Variants in COL6A5 observed in about 807,000 individuals in gnomAD.
COL6A5 encodes collagen alpha-5(VI) chain.
Under a neutral mutation model 65.6 loss-of-function variants are expected in COL6A5, and 48 were observed. The ratio of observed to expected loss-of-function variants is 0.73; its 90% CI spans 0.58 to 0.93. The LOEUF (loss-of-function observed/expected upper bound fraction) is 0.93. Among genes scored for constraint, COL6A5 ranks in the 40% least tolerant of loss-of-function variants. The pLI is 0.00. For synonymous variants in COL6A5, 291 were observed against 322.8 expected (o/e 0.90, Z 1.05); for missense variants, 914 against 928.3 (o/e 0.98, Z 0.20).
intron 7 of COL6A5, among the ~76,000 whole-genome samples, chr3:130,481,530 G>A (rs1197134471): frequency 6.6e-6 from 1 of 152,096 alleles, no homozygotes; most frequent in Admixed American, 6.6e-5. Flanking sequence ...CTTTATAGTA[G>A]AATGATTTAT....
chr3:130,450,844 A>G (rs1709414478), intron 4 of COL6A5, among the ~76,000 whole-genome samples: 1 of 152,162 alleles, frequency 6.6e-6, no homozygotes, highest in Non-Finnish European at 1.5e-5. Flanking sequence ...TGAGGGCATC[A>G]AAGTTTAATT....
chr3:130,420,896 C>A (rs993497414), intron 25 of COL6A5, among the ~76,000 whole-genome samples: 1 of 152,080 alleles, frequency 6.6e-6, no homozygotes, highest in Non-Finnish European at 1.5e-5. Context: ...CTGCCACTGA[C>A]TCCACAAGTC....
chr3:130,441,246 T>C (rs1353756689), intron 3 of COL6A5, among the ~76,000 whole-genome samples: 1 of 152,166 alleles, frequency 6.6e-6, no homozygotes. Flanking sequence ...GTCCTGGGCA[T>C]GCACATCACC....
intron 17 of COL6A5, 33 bp downstream of exon 17, chr3:130,406,354 G>T (rs1559884497): frequency 3.5e-5 from 53 of 1,505,978 alleles, no homozygotes; most frequent in Non-Finnish European, 4.8e-5. Flanking sequence ...TTCAAAGAAG[G>T]AGAATTTGGT....
intron 4 of COL6A5, among the ~76,000 whole-genome samples, chr3:130,450,987 A>G (rs1025716426): frequency 1.3e-5 from 2 of 152,132 alleles, no homozygotes; most frequent in African/African-American, 4.8e-5. Context: ...AAACGCTGAG[A>G]TGGGGTTAGA....
chr3:130,483,413 TA>T (rs1326506914), intron 7 of COL6A5, among the ~76,000 whole-genome samples: 1 of 152,106 alleles, frequency 6.6e-6, no homozygotes, highest in African/African-American at 2.4e-5. Context: ...ATGCCCCAAT[TA>T]AAAGACACAG....
Position 130,389,151 on chromosome 3 carries a change from T to C in COL6A5, c.2416+17T>C. ...CTCTCCATGGTAAGTGTCCCTGTTA[T>C]CTGTCAGGACTAAAGGATGTGAGCT... On this transcript the variant is annotated intron_variant and NMD_transcript_variant, in intron 6 of 41. Coordinates refer to the COL6A5 transcript ENST00000312481. 8.6e-6 allele frequency: 12 copies of C among 1,399,010 alleles called. No homozygotes were observed. Among genetic ancestry groups the C allele is most frequent in the South Asian group, 1.9e-5 (1 of 52,300 alleles). The allele number at this position is 1,399,010 out of a possible 1,614,324, so 86.7% of individuals were successfully genotyped here.
At chr3:130,361,017 T>G (rs545867599) in intron 1 of COL6A5, among the ~76,000 whole-genome samples, 30 of 152,032 alleles carry the variant, frequency 2.0e-4, no homozygotes, top group African/African-American at 6.5e-4. Context: ...CCTAAACACA[T>G]GAGGCCTCCC....
At position 130,391,760 on chromosome 3, in the gene COL6A5, T is replaced by C; in HGVS notation, c.2992+6T>C. The stretch of plus-strand genomic sequence containing the variant: ...GTGTACTGAAGCACCAGAGGGTAAG[T>C]TGTTACTTTTAAAGTTTCTATGGGG... On this transcript the variant is annotated splice_donor_region_variant and intron_variant and NMD_transcript_variant, in intron 7 of 41. Coordinates refer to the COL6A5 transcript ENST00000312481. The C allele has an allele frequency of 6.5e-7, 1 of 1,534,464 alleles. No individual in the cohort carries two copies. The highest frequency in any genetic ancestry group is 8.8e-7 in the Non-Finnish European group (1 of 1,139,324).
At chr3:130,384,538 C>T (rs1287749696) in intron 4 of COL6A5, among the ~76,000 whole-genome samples, 1 of 151,974 alleles carries the variant, frequency 6.6e-6, no homozygotes, top group Non-Finnish European at 1.5e-5. Flanking sequence ...CCTGGAGTCT[C>T]TGGAATTTGG....
At position 130,373,723 on chromosome 3, in the gene COL6A5, G is replaced by A. The variant is rs932147476; in HGVS notation, c.67+18G>A. 7.7e-5 allele frequency: 112 copies of A among 1,452,388 alleles called. No homozygotes were observed. The highest frequency in any genetic ancestry group is 5.2e-4 in the East Asian group (21 of 40,132). 90.0% of individuals were successfully genotyped at this position (1,452,388 alleles called of 1,614,324 possible). On this transcript the variant is annotated intron_variant and NMD_transcript_variant, in intron 2 of 41. Coordinates refer to the COL6A5 transcript ENST00000312481. Reference sequence around the variant, plus strand: ...GAGCCCAGGTATCAGTATATTTTACGTTTATTATTATTTAGGAAATATTTT... The same window carrying A: ...GAGCCCAGGTATCAGTATATTTTACATTTATTATTATTTAGGAAATATTTT...
intron 4 of COL6A5, among the ~76,000 whole-genome samples, chr3:130,445,816 T>A (rs975300363): frequency 6.6e-6 from 1 of 152,152 alleles, no homozygotes; most frequent in Non-Finnish European, 1.5e-5. Context: ...GAGGAGCAAT[T>A]GTTTTTTAAA....
At chr3:130,345,961 C>G (rs1934457745) in exon 1 of COL6A5, 1 of 398,526 alleles carries the variant, frequency 2.5e-6, no homozygotes, top group Admixed American at 4.4e-5. Context: ...CCGGAGTGTC[C>G]CCTGACCCCG....
At chr3:130,371,289 G>A (rs960891931) in intron 1 of COL6A5, among the ~76,000 whole-genome samples, 4 of 151,394 alleles carry the variant, frequency 2.6e-5, no homozygotes, top group African/African-American at 9.7e-5. Context: ...AAATCCAGAT[G>A]CCTTTTCTTT....
intron 23 of COL6A5, among the ~76,000 whole-genome samples, chr3:130,416,145 C>T (rs77178989): frequency 6.6e-6 from 1 of 152,068 alleles, no homozygotes; most frequent in Non-Finnish European, 1.5e-5. Flanking sequence ...TCTTGAATTC[C>T]CCATCTGAAC....
Position 130,397,425 on chromosome 3 carries a change from T to C in COL6A5, c.3569-158T>C, listed in dbSNP as rs1936640986. ...TATATATATGATATATGTATATGTA[T>C]ATATATGATAAAGCAGCCAGTATCT... On this transcript the variant is annotated intron_variant and NMD_transcript_variant, in intron 8 of 41. Transcript: ENST00000312481. Among the ~76,000 whole-genome samples, 2 of 152,026 alleles carry C rather than the reference T, an allele frequency of 1.3e-5. 1 individual carries two copies. Among genetic ancestry groups the C allele is most frequent in the South Asian group, 4.1e-4 (2 of 4,820 alleles).
chr3:130,368,871 G>C (rs552587161), intron 1 of COL6A5, among the ~76,000 whole-genome samples: 1 of 152,322 alleles, frequency 6.6e-6, no homozygotes, highest in South Asian at 2.1e-4. Flanking sequence ...GTGCCTTCCA[G>C]ATGCTCCAGA....
Position 130,482,504 on chromosome 3 carries a change from C to T in COL6A5, c.2329-1531C>T, listed in dbSNP as rs142362083. ...GATGCCTCCAGCTTTGTTCTTTTTG[C>T]TTAGGGTTGTCTTGGCTATTTGGGC... On this transcript the variant is annotated intron_variant, in intron 7 of 7. Coordinates refer to ENST00000512836, the Ensembl canonical transcript of COL6A5. Among the ~76,000 whole-genome samples the T allele has an allele frequency of 9.2e-5, 14 of 152,194 alleles. No homozygotes were observed. In the East Asian group the frequency reaches 2.7e-3, roughly 29 times the overall value.
At chr3:130,349,205 AG>A (rs1280218204) in intron 1 of COL6A5, among the ~76,000 whole-genome samples, 1 of 152,220 alleles carries the variant, frequency 6.6e-6, no homozygotes, top group East Asian at 1.9e-4. Flanking sequence ...AGATGAAATA[AG>A]TCACTTCGTT....
Sources: gnomAD v4.1 joint callset for allele counts (sites outside exome capture counted in the v4.1 genomes callset) on GRCh38, gnomAD v4.1.1 for gene constraint, MANE v1.5 for transcripts, NCBI Gene and HGNC (gene_info 2026-07-23, HGNC 2026-07-21) for gene names.